Variants in DPYS observed in about 807,000 individuals in gnomAD.
The protein encoded by DPYS is dihydropyrimidinase.
Under a neutral mutation model 50.3 loss-of-function variants are expected in DPYS, and 39 were observed. The observed-to-expected ratio is 0.78, with a 90% CI of 0.60 to 1.01. The LOEUF is 1.01. Among genes scored for constraint, DPYS ranks in the 50% least tolerant of loss-of-function variants. The pLI is 0.00. For synonymous variants in DPYS, 245 were observed against 250.7 expected (o/e 0.98, Z 0.22); for missense variants, 659 against 680.9 (o/e 0.97, Z 0.36).
intron 8 of DPYS, among the ~76,000 whole-genome samples, chr8:104,387,526 G>T (rs1811249955): frequency 6.6e-6 from 1 of 151,982 alleles, no homozygotes; most frequent in East Asian, 1.9e-4. Context: ...GTTTGAGTAG[G>T]GATTAAAGTT....
At chr8:104,435,528 C>T (rs1813108750) in intron 4 of DPYS, among the ~76,000 whole-genome samples, 1 of 150,896 alleles carries the variant, frequency 6.6e-6, no homozygotes, top group Non-Finnish European at 1.5e-5. Context: ...ACCACAATTA[C>T]TTTTGCACCA....
At chr8:104,419,309 T>C (rs1812474034) in intron 7 of DPYS, among the ~76,000 whole-genome samples, 1 of 152,236 alleles carries the variant, frequency 6.6e-6, no homozygotes, top group Non-Finnish European at 1.5e-5. Flanking sequence ...CAATCTTCCA[T>C]GCCGTGTGGA....
At chr8:104,451,832 G>C (rs1158118406) in intron 1 of DPYS, among the ~76,000 whole-genome samples, 1 of 152,218 alleles carries the variant, frequency 6.6e-6, no homozygotes, top group Non-Finnish European at 1.5e-5. Context: ...AATCCTGGGA[G>C]ACTTACATGG....
At chr8:104,461,043 G>A (rs1456791695) in intron 1 of DPYS, among the ~76,000 whole-genome samples, 2 of 151,570 alleles carry the variant, frequency 1.3e-5, no homozygotes, top group Non-Finnish European at 2.9e-5. Flanking sequence ...CAGCACTTTG[G>A]GAGGCTGAGG....
At chr8:104,387,040 G>A (rs1475722053) in intron 8 of DPYS, among the ~76,000 whole-genome samples, 1 of 152,170 alleles carries the variant, frequency 6.6e-6, no homozygotes, top group Non-Finnish European at 1.5e-5. Context: ...AAAGACAACA[G>A]AACTTCCAAA....
chr8:104,396,506 A>G (rs955434984), intron 7 of DPYS, among the ~76,000 whole-genome samples: 6 of 152,216 alleles, frequency 3.9e-5, no homozygotes, highest in Admixed American at 1.3e-4. Context: ...TCCAAAGTCT[A>G]TCCTATAGAA....
Position 104,424,826 on chromosome 8 carries a change from C to CT in DPYS, c.1093-438dup, listed in dbSNP as rs11291771. 2.4e-3 allele frequency among the ~76,000 whole-genome samples: 327 copies of CT among 135,792 alleles called. 1 individual carries two copies. Among genetic ancestry groups the CT allele is most frequent in the African/African-American group, 4.1e-3 (149 of 36,358 alleles). 89.1% of individuals were successfully genotyped at this position (135,792 alleles called of 152,430 possible). A position where few individuals can be genotyped will look rare whatever the true frequency, so the allele number is the denominator to read the frequency against. On this transcript the variant is annotated intron_variant, in intron 6 of 9. Transcript: ENST00000351513. Reference sequence around the variant, plus strand: ...TATAGAGTGAGAATAGGTGACAACACTTTTTTTTTTTTTTTTTGAGATGGA... The same window carrying CT: ...TATAGAGTGAGAATAGGTGACAACACTTTTTTTTTTTTTTTTTTGAGATGGA...
intron 7 of DPYS, among the ~76,000 whole-genome samples, chr8:104,415,547 A>C (rs1316546833): frequency 6.6e-6 from 1 of 152,150 alleles, no homozygotes; most frequent in African/African-American, 2.4e-5. Context: ...ATATGTAATC[A>C]ACAATGTTAG....
At chr8:104,453,914 A>C (rs2853181) in intron 1 of DPYS, among the ~76,000 whole-genome samples, 1,723 of 152,364 alleles carry the variant, frequency 0.011, 24 homozygotes, top group Middle Eastern at 0.037. Context: ...GTTTGAAAAT[A>C]TGATGCTAAG....
At chr8:104,412,901 A>T (rs1812236256) in intron 7 of DPYS, among the ~76,000 whole-genome samples, 1 of 152,188 alleles carries the variant, frequency 6.6e-6, no homozygotes, top group Non-Finnish European at 1.5e-5. Context: ...AGGGCCCAAG[A>T]TATGGTTTGT....
intron 4 of DPYS, 87 bp from the exon 5 acceptor site, chr8:104,429,788 C>T (rs781231389): frequency 9.8e-5 from 151 of 1,533,482 alleles, no homozygotes; most frequent in Non-Finnish European, 1.3e-4. Flanking sequence ...ATCTTTTCTC[C>T]CCTAGCAGAG....
Position 104,388,782 on chromosome 8 carries a change from G to A in DPYS, c.1443+4002C>T, listed in dbSNP as rs550969467. 6.8e-4 allele frequency among the ~76,000 whole-genome samples: 103 copies of A among 152,202 alleles called. 1 individual carries two copies. In the South Asian group the frequency reaches 0.013, roughly 19 times the overall value. On this transcript the variant is annotated intron_variant, in intron 8 of 9. Coordinates refer to ENST00000351513, the MANE Select transcript of DPYS (RefSeq NM_001385.3). The stretch of plus-strand genomic sequence containing the variant: ...CAAAGCTGTCAAATCAGATAAAAAC[G>A]TCTTCTCTTTCCTTTGAAATTTCCC...
intron 5 of DPYS, 79 bp from the exon 6 acceptor site, chr8:104,428,200 TCTC>T: frequency 6.3e-7 from 1 of 1,580,832 alleles, no homozygotes; most frequent in Non-Finnish European, 8.7e-7. Flanking sequence ...CCTTTCCTAA[TCTC>T]CTGGCTCCCT....
chr8:104,444,453 G>A lies in DPYS; in HGVS notation c.604-16C>T, dbSNP rs780534129. The A allele has an allele frequency of 1.2e-6, 2 of 1,614,026 alleles. No individual in the cohort carries two copies. The highest frequency in any genetic ancestry group is 4.5e-5 in the East Asian group (2 of 44,886). On this transcript the variant is annotated splice_polypyrimidine_tract_variant and intron_variant, in intron 3 of 9. Transcript: ENST00000351513. Reference sequence around the variant, plus strand: ...TCTTTGCTCCCTAAAAAGACAGCAGGAATGTGTATATGTGCAAGGAAGGTT... The same window carrying A: ...TCTTTGCTCCCTAAAAAGACAGCAGAAATGTGTATATGTGCAAGGAAGGTT...
chr8:104,450,041 C>T (rs1813677781), intron 2 of DPYS, among the ~76,000 whole-genome samples: 1 of 151,452 alleles, frequency 6.6e-6, no homozygotes, highest in Non-Finnish European at 1.5e-5. Context: ...GTGTGAGAAG[C>T]ACTGATAAGG....
chr8:104,464,406 CTCT>C (rs1284057394), intron 1 of DPYS, among the ~76,000 whole-genome samples: 18 of 152,226 alleles, frequency 1.2e-4, no homozygotes, highest in Non-Finnish European at 2.9e-5. Context: ...ATTCCACTTC[CTCT>C]TCTTTGCTGC....
intron 8 of DPYS, among the ~76,000 whole-genome samples, chr8:104,387,447 G>A (rs764692022): frequency 6.6e-6 from 1 of 152,228 alleles, no homozygotes; most frequent in Admixed American, 6.5e-5. Context: ...CCGAGAGGAA[G>A]TGAACCCTCT....
intron 4 of DPYS, 94 bp downstream of exon 4, chr8:104,444,154 T>G: frequency 2.9e-6 from 4 of 1,371,664 alleles, no homozygotes; most frequent in Non-Finnish European, 4.1e-6. Context: ...GAAATCCACA[T>G]GCACTTTCTC....
chr8:104,445,825 C>T (rs967214576), intron 3 of DPYS, among the ~76,000 whole-genome samples: 5 of 152,112 alleles, frequency 3.3e-5, no homozygotes, highest in Non-Finnish European at 5.9e-5. Flanking sequence ...GTGGGCAGAT[C>T]ACAAGGTCAG....
Sources: gnomAD v4.1 joint callset for allele counts (sites outside exome capture counted in the v4.1 genomes callset) on GRCh38, gnomAD v4.1.1 for gene constraint, MANE v1.5 for transcripts, NCBI Gene and HGNC (gene_info 2026-07-23, HGNC 2026-07-21) for gene names.